RBMS3: variants seen among roughly 807,000 people sequenced by gnomAD.
The protein encoded by RBMS3 is RNA binding motif single stranded interacting protein 3, also known as RNA-binding motif, single-stranded-interacting protein 3.
Under a neutral mutation model 66.8 loss-of-function variants are expected in RBMS3, and 27 were observed. That is an observed-to-expected ratio of 0.40 (90% CI 0.30 to 0.56). The LOEUF is 0.56. RBMS3 is among the 20% of genes least tolerant of loss of function. The pLI, the probability that RBMS3 is intolerant of heterozygous loss-of-function variation, is 0.40. For missense variants in RBMS3, 513 were observed against 549.5 expected (o/e 0.93, Z 0.66); for synonymous variants, 188 against 183.0 (o/e 1.03, Z -0.22).
chr3:29,557,932 AT>A lies in RBMS3; in HGVS notation c.308-29181del, dbSNP rs796506147. Among the ~76,000 whole-genome samples, 13 of 152,300 alleles carry A rather than the reference AT, an allele frequency of 8.5e-5. 1 individual carries two copies. Among genetic ancestry groups the A allele is most frequent in the African/African-American group, 3.1e-4 (13 of 41,574 alleles). On this transcript the variant is annotated intron_variant, in intron 3 of 14. Transcript: ENST00000383767. ...TTTAAAAGACTGTTTATCATACTTAATCTGATTTAAGAAGTCATTGCTTTTA... is the reference window on the plus strand; with the variant it reads ...TTTAAAAGACTGTTTATCATACTTAACTGATTTAAGAAGTCATTGCTTTTA...
At chr3:29,512,573 A>G (rs1417295228) in intron 3 of RBMS3, among the ~76,000 whole-genome samples, 2 of 152,188 alleles carry the variant, frequency 1.3e-5, no homozygotes, top group East Asian at 3.8e-4. Flanking sequence ...TATTTGATCC[A>G]TCCTACTTTA....
At chr3:29,413,224 G>C (rs1395581400) in intron 1 of RBMS3, among the ~76,000 whole-genome samples, 2 of 152,078 alleles carry the variant, frequency 1.3e-5, no homozygotes, top group African/African-American at 4.8e-5. Flanking sequence ...CAAAAAATTA[G>C]CTGGATGTGG....
intron 4 of RBMS3, among the ~76,000 whole-genome samples, chr3:29,739,370 G>A (rs1388070500): frequency 6.6e-6 from 1 of 151,696 alleles, no homozygotes; most frequent in Admixed American, 6.6e-5. Flanking sequence ...GCAGGAGAAT[G>A]GCGTGAACCC....
intron 4 of RBMS3, among the ~76,000 whole-genome samples, chr3:29,671,659 G>A (rs544140089): frequency 3.1e-4 from 47 of 152,262 alleles, no homozygotes; most frequent in African/African-American, 9.9e-4. Flanking sequence ...TAGCTAATTC[G>A]ATCAAGTGGA....
rs533483167 is a variant in RBMS3 at position 29,561,618 on chromosome 3, A to G, written c.308-25496A>G. Among the ~76,000 whole-genome samples, 46 of 152,158 alleles carry G rather than the reference A, an allele frequency of 3.0e-4. No homozygotes were observed. The East Asian group carries it at 7.4e-3, about 24-fold the overall frequency. On this transcript the variant is annotated intron_variant, in intron 3 of 14. Transcript: ENST00000383767. ...CAGGCACACGCCACCACACCCAGCTAATTTTTGTATTTTTAGTAGAGATGG... is the reference window on the plus strand; with the variant it reads ...CAGGCACACGCCACCACACCCAGCTGATTTTTGTATTTTTAGTAGAGATGG...
intron 12 of RBMS3, among the ~76,000 whole-genome samples, chr3:29,960,948 G>A (rs1408927617): frequency 2.6e-5 from 4 of 152,114 alleles, no homozygotes; most frequent in South Asian, 4.1e-4. Context: ...GACATGCCCT[G>A]GAGACATTTT....
At chr3:29,670,930 T>G (rs973910636) in intron 4 of RBMS3, among the ~76,000 whole-genome samples, 1 of 152,220 alleles carries the variant, frequency 6.6e-6, no homozygotes, top group Non-Finnish European at 1.5e-5. Context: ...GTTTGAGATC[T>G]GAGAATGGAC....
Position 29,637,126 on chromosome 3 carries a change from A to G in RBMS3, c.399+49921A>G, listed in dbSNP as rs544180366. On this transcript the variant is annotated intron_variant, in intron 4 of 14. Transcript: ENST00000383767. Reference sequence around the variant, plus strand: ...GTTTCAGCAGGAAGCAACACTTTCCATTTTTTTCTTGTTGCTCATTTGTGA... The same window carrying G: ...GTTTCAGCAGGAAGCAACACTTTCCGTTTTTTTCTTGTTGCTCATTTGTGA... Among the ~76,000 whole-genome samples, 262 of 151,858 alleles carry G rather than the reference A, an allele frequency of 1.7e-3. 1 individual carries two copies. Among genetic ancestry groups the G allele is most frequent in the African/African-American group, 5.5e-3 (228 of 41,480 alleles).
At chr3:29,694,290 A>G (rs2052167503) in intron 4 of RBMS3, among the ~76,000 whole-genome samples, 1 of 152,120 alleles carries the variant, frequency 6.6e-6, no homozygotes, top group Non-Finnish European at 1.5e-5. Context: ...CTGGAACTAT[A>G]TTTCTCTTTC....
At chr3:29,748,960 A>G (rs1285086156) in intron 5 of RBMS3, among the ~76,000 whole-genome samples, 3 of 152,194 alleles carry the variant, frequency 2.0e-5, no homozygotes, top group Non-Finnish European at 4.4e-5. Flanking sequence ...GGCAAAAATG[A>G]GACTTCAGCC....
At chr3:29,579,708 T>A (rs1278520173) in intron 3 of RBMS3, among the ~76,000 whole-genome samples, 2 of 152,186 alleles carry the variant, frequency 1.3e-5, no homozygotes, top group Non-Finnish European at 1.5e-5. Context: ...AGACATATAT[T>A]TTATTTGTAT....
chr3:29,601,700 C>A (rs1253452165), intron 4 of RBMS3, among the ~76,000 whole-genome samples: 1 of 152,018 alleles, frequency 6.6e-6, no homozygotes, highest in Non-Finnish European at 1.5e-5. Flanking sequence ...AAAGTTGTCA[C>A]ACTATCTTGC....
chr3:29,730,941 GA>G, intron 4 of RBMS3: 1 of 985,330 alleles, frequency 1.0e-6, no homozygotes, highest in Non-Finnish European at 1.2e-6. Flanking sequence ...TCAAGTTCAT[GA>G]GGTGTATATG....
chr3:29,294,177 T>G (rs1024257909), intron 1 of RBMS3, among the ~76,000 whole-genome samples: 3 of 151,860 alleles, frequency 2.0e-5, no homozygotes, highest in African/African-American at 7.2e-5. Context: ...TTGTGTGTCT[T>G]GTACATTGGT....
In RBMS3 at chr3:30,006,813, C is replaced by T. The variant is rs1425901043; in HGVS notation, c.*2951C>T. On this transcript the variant is annotated 3_prime_UTR_variant, in exon 15 of 15. Coordinates refer to ENST00000383767, the MANE Select transcript of RBMS3 (RefSeq NM_001003793.3). ...AACAATGAGGCTAAGAGGTAGCTAC[C>T]ATGTGGCTAATGAATGTGCCTAGGT... The T allele has an allele frequency of 2.0e-5, 3 of 151,926 alleles. No homozygotes were observed. The highest frequency in any genetic ancestry group is 7.2e-5 in the African/African-American group (3 of 41,408). The allele number at this position is 151,926 out of a possible 1,614,324, so 9.4% of individuals were successfully genotyped here.
intron 1 of RBMS3, among the ~76,000 whole-genome samples, chr3:29,337,698 T>C (rs2125529495): frequency 6.6e-6 from 1 of 152,204 alleles, no homozygotes; most frequent in South Asian, 2.1e-4. Context: ...GGTTATGTTT[T>C]AGATGTTCTA....
intron 3 of RBMS3, among the ~76,000 whole-genome samples, chr3:29,577,604 G>A (rs1197004067): frequency 2.6e-5 from 4 of 152,224 alleles, no homozygotes; most frequent in Admixed American, 6.5e-5. Flanking sequence ...TGAGATGGAT[G>A]ATTCTTCTCT....
intron 6 of RBMS3, among the ~76,000 whole-genome samples, chr3:29,826,367 A>G (rs1245500948): frequency 3.3e-5 from 5 of 152,124 alleles, no homozygotes; most frequent in East Asian, 3.9e-4. Flanking sequence ...GAAATTCAGT[A>G]TATCCTTCAG....
chr3:29,383,091 C>T (rs2038846440), intron 1 of RBMS3, among the ~76,000 whole-genome samples: 1 of 152,166 alleles, frequency 6.6e-6, no homozygotes, highest in Non-Finnish European at 1.5e-5. Context: ...CCACAAGCAG[C>T]CTCTAGGGCA....
Sources: allele counts gnomAD v4.1 joint callset (sites outside exome capture counted in the v4.1 genomes callset), GRCh38; gene constraint gnomAD v4.1.1; transcripts MANE v1.5; gene names NCBI Gene and HGNC (gene_info 2026-07-23, HGNC 2026-07-21).